Variants in UNC13D observed in about 807,000 individuals in gnomAD.
UNC13D encodes the protein unc-13 homolog D, also known as protein unc-13 homolog D.
Under a neutral mutation model 151.7 loss-of-function variants are expected in UNC13D, and 115 were observed. That is an observed-to-expected ratio of 0.76 (90% confidence interval 0.65 to 0.88). The LOEUF (loss-of-function observed/expected upper bound fraction) is 0.88. Ranked by LOEUF, UNC13D falls within the 40% of genes least tolerant of loss-of-function variation. The probability of loss-of-function intolerance (pLI) is 0.00; values close to 1 mark genes in which losing one functional copy is unlikely to be tolerated. For synonymous variants in UNC13D, 588 were observed against 612.2 expected (o/e 0.96, Z 0.58); for missense variants, 1,369 against 1,438.7 (o/e 0.95, Z 0.78).
chr17:75,840,189 A>G lies in UNC13D; in HGVS notation c.858+36T>C, dbSNP rs1417652975. 1 of 1,612,776 alleles carries G rather than the reference A, an allele frequency of 6.2e-7. No homozygotes were observed. The highest frequency in any genetic ancestry group is 1.7e-5 in the Admixed American group (1 of 59,982). ...CCGCAACCCAGCAGACCGCCGCAAG[A>G]GCTGGGCATGGCCACTGGCCCAGTA... On this transcript the variant is annotated intron_variant, in intron 10 of 31. Coordinates refer to ENST00000207549, the MANE Select transcript of UNC13D (RefSeq NM_199242.3). The surrounding 1 kb of genome is among the most constrained non-coding windows in gnomAD (Gnocchi z 4.6).
rs759055369 is a variant in UNC13D, at chr17:75,827,935, G to A, written c.*30C>T. 7 of 1,605,668 alleles carry A rather than the reference G, an allele frequency of 4.4e-6. No individual in the cohort carries two copies. The highest frequency in any genetic ancestry group is 5.9e-6 in the Non-Finnish European group (7 of 1,177,788). ...GGAAAGCCCTTGCAAGTCCCCACCG[G>A]GGACCCAGCCCCACCGCAAACCTCT... On this transcript the variant is annotated 3_prime_UTR_variant, in exon 32 of 32. Transcript: ENST00000207549.
intron 25 of UNC13D, chr17:75,831,627 G>A: frequency 2.0e-6 from 1 of 506,344 alleles, no homozygotes; most frequent in Non-Finnish European, 3.6e-6. Context: ...AACAAGGCTG[G>A]AGACAGGGAG....
Position 75,830,413 on chromosome 17 carries a change from G to C in UNC13D, c.2779C>G (p.Leu927Val), listed in dbSNP as rs2064862696. 2 of 1,588,754 alleles carry C rather than the reference G, an allele frequency of 1.3e-6. No individual in the cohort carries two copies. The highest frequency in any genetic ancestry group is 2.7e-5 in the African/African-American group (2 of 74,548). ...KASYRASEQK[L>V]RVELLSASSL... ...GAGGCGCTGAGCAGCTCCACACGCA[G>C]CTTCTGCTCAGAGGCGCGGTAGGAG... The change falls in exon 29 of 32, where the codon CTG (leucine) becomes GTG (valine). Residue 927 changes from leucine to valine, a missense_variant. Around this residue, in one of 3 missense-constraint regions of UNC13D, gnomAD observed 807 missense variants for 795.5 expected, o/e 1.01. Coordinates refer to ENST00000207549, the MANE Select transcript of UNC13D (RefSeq NM_199242.3).
chr17:75,827,889 G>T lies in UNC13D; in HGVS notation c.*76C>A, dbSNP rs1292404490. 8.4e-6 allele frequency: 13 copies of T among 1,550,140 alleles called. No homozygotes were observed. Among genetic ancestry groups the T allele is most frequent in the East Asian group, 2.4e-5 (1 of 41,510 alleles). ...CCAGGCTGGAGGGCCGCGATGTGGC[G>T]GGGAAGCCCCAGACCCTACAGGAAA... On this transcript the variant is annotated 3_prime_UTR_variant, in exon 32 of 32. Transcript: ENST00000207549.
intron 12 of UNC13D, 85 bp from the exon 13 acceptor site, chr17:75,837,003 C>T: frequency 4.1e-6 from 3 of 724,566 alleles, no homozygotes; most frequent in Non-Finnish European, 5.8e-6. Flanking sequence ...GGGGGAATCG[C>T]CTCCCATCCA....
At chr17:75,830,326 G>A (rs2064861792) in intron 29 of UNC13D, 36 bp downstream of exon 29, 2 of 1,586,746 alleles carry the variant, frequency 1.3e-6, no homozygotes, top group Non-Finnish European at 1.7e-6. Flanking sequence ...GCCAGGACGG[G>A]ACCATGGAGA....
rs747021679 is a variant in UNC13D, at chr17:75,830,562, G to A, written c.2709+16C>T. 14 of 1,566,256 alleles carry A rather than the reference G, an allele frequency of 8.9e-6. 1 individual carries two copies. The Admixed American group carries it at 9.5e-5, about 11-fold the overall frequency. ...CCAGGGCCTGCAGAGGGCGCAGTGC[G>A]AGGGAGGGGCCTCACCTGCTGCTGG... On this transcript the variant is annotated intron_variant, in intron 28 of 31. Coordinates refer to ENST00000207549, the MANE Select transcript of UNC13D (RefSeq NM_199242.3).
At chr17:75,842,027 G>C (rs11870078) in intron 6 of UNC13D, among the ~76,000 whole-genome samples, 11 of 151,620 alleles carry the variant, frequency 7.3e-5, no homozygotes, top group Non-Finnish European at 1.5e-4. Context: ...GATTATAGGC[G>C]TGAGCCACCA....
At position 75,828,793 on chromosome 17, in the gene UNC13D, G is replaced by C. The variant is rs750743318; in HGVS notation, c.3145C>G (p.Pro1049Ala). The C allele has an allele frequency of 3.5e-5, 54 of 1,543,832 alleles. No homozygotes were observed. The African/African-American group carries it at 6.3e-4, about 18-fold the overall frequency. ...GCCCTGGGCTCAGGCCTACCGTTGG[G>C]TGCGGGGTACGTGAGGGGCAGGCGG... The part of the protein sequence containing the change: ...QTRLPLTYPA[P>A]NGDPILQLLE... The change falls in exon 31 of 32, where the codon CCC becomes GCC. Residue 1049 changes from proline to alanine, a missense_variant. By Grantham distance (27) the Pro-to-Ala change is conservative. Coordinates refer to ENST00000207549, the MANE Select transcript of UNC13D (RefSeq NM_199242.3).
chr17:75,829,425 A>G (rs910985370), intron 30 of UNC13D, among the ~76,000 whole-genome samples: 1 of 151,616 alleles, frequency 6.6e-6, no homozygotes. Flanking sequence ...CCTCCCGAGT[A>G]GCTGGGACTG....
chr17:75,840,618 C>T lies in UNC13D; in HGVS notation c.684-42G>A, dbSNP rs745420063. On this transcript the variant is annotated intron_variant, in intron 8 of 31. Transcript: ENST00000207549. This position sits in a 1 kb window ranked among gnomAD's most constrained non-coding sequence, Gnocchi z 4.6. ...CCCATAAGGGGGACGCAGCAAGGGT[C>T]GGAAGGGATTAGGCTGGAATCCACC... is the stretch of plus-strand genomic sequence containing the variant. 1.2e-5 allele frequency: 19 copies of T among 1,613,580 alleles called. No homozygotes were observed. Among genetic ancestry groups the T allele is most frequent in the South Asian group, 8.8e-5 (8 of 91,058 alleles).
chr17:75,829,875 G>T, intron 30 of UNC13D, 153 bp downstream of exon 30: 1 of 1,224,938 alleles, frequency 8.2e-7, no homozygotes, highest in Non-Finnish European at 1.1e-6. Flanking sequence ...ACCACATCCA[G>T]CTGCAAACTC....
intron 19 of UNC13D, 58 bp downstream of exon 19, chr17:75,835,589 C>T (rs2064902520): frequency 8.1e-6 from 13 of 1,611,088 alleles, no homozygotes; most frequent in East Asian, 2.2e-5. Context: ...CCTGGGGCCT[C>T]GTCCACCCTC....
At position 75,840,823 on chromosome 17, in the gene UNC13D, C is replaced by T; in HGVS notation, c.622G>A (p.Asp208Asn). The change falls in exon 8 of 32, where the codon GAC becomes AAC. Residue 208 changes from aspartate to asparagine, a missense_variant. Asp to Asn is a conservative substitution (Grantham distance 23). Transcript: ENST00000207549. The surrounding 1 kb of genome is among the most constrained non-coding windows in gnomAD (Gnocchi z 4.6). Reference sequence around the variant, plus strand: ...TTCTGTCGGACAGACTCCACAGTGTCCAGGTCCCTGGCAGGACAGAGGTTT... The same window carrying T: ...TTCTGTCGGACAGACTCCACAGTGTTCAGGTCCCTGGCAGGACAGAGGTTT... ...ASFHLDMWDL[D>N]TVESVRQKLG... The T allele has an allele frequency of 6.2e-7, 1 of 1,614,056 alleles. No individual in the cohort carries two copies. Among genetic ancestry groups the T allele is most frequent in the African/African-American group, 1.3e-5 (1 of 75,042 alleles).
intron 25 of UNC13D, chr17:75,831,830 A>G (rs7208575): frequency 0.21 from 37,049 of 178,208 alleles, 7,863 homozygotes; most frequent in African/African-American, 0.57. Context: ...GCATTGTGGC[A>G]CGTGCCTGTA....
At chr17:75,841,689 G>T (rs2064950470) in intron 6 of UNC13D, among the ~76,000 whole-genome samples, 1 of 146,872 alleles carries the variant, frequency 6.8e-6, no homozygotes, top group Non-Finnish European at 1.5e-5. Context: ...TGATCCACCT[G>T]CCTCGGCCTC....
chr17:75,827,700 G>C lies in UNC13D; in HGVS notation c.*265C>G. ...CTTTTCTGAGAGGCGGGCAGGGGCA[G>C]GGTTTGCTCCCCCTGGTGCTGGGAT... On this transcript the variant is annotated 3_prime_UTR_variant, in exon 32 of 32. Transcript: ENST00000207549. 6.6e-7 allele frequency: 1 copy of C among 1,523,128 alleles called. No individual in the cohort carries two copies. Among genetic ancestry groups the C allele is most frequent in the Non-Finnish European group, 8.8e-7 (1 of 1,138,290 alleles). 94.4% of individuals were successfully genotyped at this position (1,523,128 alleles called of 1,614,324 possible). A position where few individuals can be genotyped will look rare whatever the true frequency, so the allele number is the denominator to read the frequency against.
rs1277275260 is a variant in UNC13D at position 75,830,077 on chromosome 17, G to C, written c.2905C>G (p.Gln969Glu). Reference sequence around the variant, plus strand: ...GGGTGAAGGTCCTTCTTGTGCTTCTGGGTCTCCCGGGCGGCCAGCTCAGGG... The same window carrying C: ...GGGTGAAGGTCCTTCTTGTGCTTCTCGGTCTCCCGGGCGGCCAGCTCAGGG... Reference protein sequence around the residue: ...EFPELAARETQKHKKDLHPLF... With the variant: ...EFPELAARETEKHKKDLHPLF... Residue 969 changes from glutamine to glutamate, a missense_variant, in exon 30 of 32, where the codon CAG becomes GAG. Gln to Glu is a conservative substitution (Grantham distance 29, BLOSUM62 2). Transcript: ENST00000207549. 4 of 1,578,420 alleles carry C rather than the reference G, an allele frequency of 2.5e-6. No individual in the cohort carries two copies. The highest frequency in any genetic ancestry group is 2.3e-5 in the South Asian group (2 of 86,054).
intron 1 of UNC13D, 28 bp from the exon 2 acceptor site, chr17:75,843,547 C>A: frequency 6.2e-7 from 1 of 1,608,868 alleles, no homozygotes. Flanking sequence ...AAGGCAGTGT[C>A]CCGGGAGGCC....
Sources: allele counts gnomAD v4.1 joint callset (sites outside exome capture counted in the v4.1 genomes callset), GRCh38; gene constraint gnomAD v4.1.1; regional missense constraint gnomAD v4.1.1; non-coding constraint Gnocchi (gnomAD v3.1); transcripts MANE v1.5; gene names NCBI Gene and HGNC (gene_info 2026-07-23, HGNC 2026-07-21).